Variants in GRIA1 observed in about 807,000 individuals in gnomAD.
GRIA1 encodes the protein glutamate ionotropic receptor AMPA type subunit 1.
In GRIA1, 31 loss-of-function variants were observed where a neutral mutation model predicts 99.2. The ratio of observed to expected loss-of-function variants is 0.31; its 90% CI spans 0.23 to 0.42. The LOEUF (loss-of-function observed/expected upper bound fraction) is 0.42, where lower values mean the gene tolerates loss of function less well. Among genes scored for constraint, GRIA1 ranks in the 10% least tolerant of loss-of-function variants. The pLI is 1.00. For missense variants in GRIA1, 782 were observed against 1,157.5 expected (o/e 0.68, Z 4.71); for synonymous variants, 438 against 432.4 (o/e 1.01, Z -0.16).
At chr5:153,807,366 T>G (rs1055401706) in intron 15 of GRIA1, among the ~76,000 whole-genome samples, 1 of 152,186 alleles carries the variant, frequency 6.6e-6, no homozygotes, top group Non-Finnish European at 1.5e-5. Context: ...AACACTTGCA[T>G]GTTCAATGAG....
rs1052656950 is a variant in GRIA1 at position 153,778,684 on chromosome 5, CACAT to C, written c.2270+8273_2270+8276del. Among the ~76,000 whole-genome samples the C allele has an allele frequency of 6.7e-5, 10 of 149,916 alleles. 1 individual carries two copies. The highest frequency in any genetic ancestry group is 1.7e-4 in the African/African-American group (7 of 40,444). On this transcript the variant is annotated intron_variant, in intron 13 of 15. Transcript: ENST00000285900. Reference sequence around the variant, plus strand: ...ACACACACACACACACACACACACACACATACACGCACACACACAAATAGCATTG... The same window carrying C: ...ACACACACACACACACACACACACACACACGCACACACACAAATAGCATTG...
chr5:153,719,326 A>G (rs1447469786), intron 11 of GRIA1, among the ~76,000 whole-genome samples: 7 of 152,144 alleles, frequency 4.6e-5, no homozygotes, highest in African/African-American at 1.4e-4. Flanking sequence ...AATAACAGTT[A>G]TTTTATTAAG....
intron 11 of GRIA1, among the ~76,000 whole-genome samples, chr5:153,709,790 G>A (rs955061366): frequency 1.3e-5 from 2 of 152,176 alleles, no homozygotes; most frequent in African/African-American, 4.8e-5. Flanking sequence ...ACAGATGTCT[G>A]CTTCTTTCTC....
intron 2 of GRIA1, among the ~76,000 whole-genome samples, chr5:153,595,501 C>T (rs534810614): frequency 1.3e-5 from 2 of 152,170 alleles, no homozygotes; most frequent in East Asian, 1.9e-4. Context: ...TACACTCTAC[C>T]TCTTTGAGGG....
intron 7 of GRIA1, among the ~76,000 whole-genome samples, chr5:153,678,532 G>A (rs1756751683): frequency 6.6e-6 from 1 of 152,160 alleles, no homozygotes; most frequent in African/African-American, 2.4e-5. Flanking sequence ...CAGCTTGCAG[G>A]GGAAAATTGC....
chr5:153,809,562 GTCAC>G (rs1239057363), intron 15 of GRIA1, among the ~76,000 whole-genome samples: 1 of 152,216 alleles, frequency 6.6e-6, no homozygotes, highest in Non-Finnish European at 1.5e-5. Flanking sequence ...GATTTCTCTG[GTCAC>G]TAGAATAATG....
chr5:153,537,009 A>C (rs980659001), intron 2 of GRIA1, among the ~76,000 whole-genome samples: 11 of 152,186 alleles, frequency 7.2e-5, no homozygotes, highest in African/African-American at 2.7e-4. Context: ...TAAAATGAAA[A>C]TATTAATGCT....
At chr5:153,787,617 T>A (rs906362700) in intron 13 of GRIA1, among the ~76,000 whole-genome samples, 1 of 152,214 alleles carries the variant, frequency 6.6e-6, no homozygotes, top group African/African-American at 2.4e-5. Context: ...CCACTAGAGG[T>A]TGTTTATTCA....
chr5:153,675,231 G>A (rs753126532), intron 6 of GRIA1, among the ~76,000 whole-genome samples: 1 of 152,182 alleles, frequency 6.6e-6, no homozygotes, highest in Non-Finnish European at 1.5e-5. Flanking sequence ...CCCAGCTCAG[G>A]AGGATGCTCA....
chr5:153,652,699 A>C (rs1258099811), intron 4 of GRIA1, among the ~76,000 whole-genome samples: 1 of 152,224 alleles, frequency 6.6e-6, no homozygotes. Flanking sequence ...TCATTCATCT[A>C]TTTTGAAAAG....
At chr5:153,547,524 T>A (rs1433523267) in intron 2 of GRIA1, among the ~76,000 whole-genome samples, 1 of 152,190 alleles carries the variant, frequency 6.6e-6, no homozygotes, top group Non-Finnish European at 1.5e-5. Flanking sequence ...TGCAACTACT[T>A]CTTATTCCCC....
At chr5:153,759,611 T>C (rs1763047769) in intron 11 of GRIA1, among the ~76,000 whole-genome samples, 1 of 152,012 alleles carries the variant, frequency 6.6e-6, no homozygotes, top group Non-Finnish European at 1.5e-5. Context: ...CACTGCCAAA[T>C]TCTACCAAAT....
chr5:153,550,395 A>T (rs1260418804), intron 2 of GRIA1, among the ~76,000 whole-genome samples: 2 of 152,054 alleles, frequency 1.3e-5, no homozygotes, highest in Non-Finnish European at 2.9e-5. Context: ...ATGAAAAAAA[A>T]AATTAAGGCA....
intron 11 of GRIA1, among the ~76,000 whole-genome samples, chr5:153,727,929 A>T (rs1760690975): frequency 6.6e-6 from 1 of 151,614 alleles, no homozygotes; most frequent in Non-Finnish European, 1.5e-5. Flanking sequence ...CGCCAAGTCA[A>T]TCCTAAGCCA....
At chr5:153,532,299 G>T (rs770337606) in intron 2 of GRIA1, among the ~76,000 whole-genome samples, 1 of 152,070 alleles carries the variant, frequency 6.6e-6, no homozygotes, top group Non-Finnish European at 1.5e-5. Flanking sequence ...GCTCTTCAAG[G>T]TACTCAAGAG....
intron 13 of GRIA1, among the ~76,000 whole-genome samples, chr5:153,774,230 C>T (rs1764076034): frequency 6.6e-6 from 1 of 151,986 alleles, no homozygotes. Context: ...AATCCTAGAT[C>T]CACTGACTTG....
At chr5:153,506,821 C>G (rs1439338384) in intron 2 of GRIA1, among the ~76,000 whole-genome samples, 1 of 152,110 alleles carries the variant, frequency 6.6e-6, no homozygotes, top group Non-Finnish European at 1.5e-5. Context: ...TCCAAGATCA[C>G]TCTGAATACT....
At chr5:153,658,035 A>G (rs1755082179) in intron 5 of GRIA1, among the ~76,000 whole-genome samples, 1 of 152,116 alleles carries the variant, frequency 6.6e-6, no homozygotes. Context: ...TCACTTGTTT[A>G]TAGGGAAACA....
chr5:153,540,061 A>T (rs1335491437), intron 2 of GRIA1, among the ~76,000 whole-genome samples: 1 of 152,208 alleles, frequency 6.6e-6, no homozygotes, highest in East Asian at 1.9e-4. Context: ...GGTAAGGTTG[A>T]AGGTAGAGAT....
Sources: gnomAD v4.1 joint callset for allele counts (sites outside exome capture counted in the v4.1 genomes callset) on GRCh38, gnomAD v4.1.1 for gene constraint, MANE v1.5 for transcripts, NCBI Gene and HGNC (gene_info 2026-07-23, HGNC 2026-07-21) for gene names.